Variants in MEIS2 observed in about 807,000 individuals in gnomAD.
MEIS2 encodes the protein homeobox protein Meis2.
Under a neutral mutation model 58.6 loss-of-function variants are expected in MEIS2, and 9 were observed. The observed-to-expected ratio is 0.15, with a 90% CI of 0.09 to 0.27. The LOEUF (loss-of-function observed/expected upper bound fraction) is 0.27. Ranked by LOEUF, MEIS2 falls within the 10% of genes least tolerant of loss-of-function variation. MEIS2 has a pLI of 1.00. For missense variants in MEIS2, 427 were observed against 635.0 expected, an observed-to-expected ratio of 0.67 and a Z score of 3.52; for synonymous variants, 221 against 228.4, an observed-to-expected ratio of 0.97 and a Z score of 0.29.
chr15:36,997,770 C>T (rs1180484273), intron 8 of MEIS2, among the ~76,000 whole-genome samples: 2 of 152,146 alleles, frequency 1.3e-5, no homozygotes, highest in Non-Finnish European at 2.9e-5. Context: ...CATGAGCCAC[C>T]GTGCCCGGCC....
intron 6 of MEIS2, among the ~76,000 whole-genome samples, chr15:37,087,224 G>GAGTGAA (rs1159689901): frequency 6.6e-6 from 1 of 152,156 alleles, no homozygotes; most frequent in Non-Finnish European, 1.5e-5. Flanking sequence ...CGAGGGCAAG[G>GAGTGAA]AGTGAACATG....
At chr15:37,016,409 T>G (rs1355595362) in intron 8 of MEIS2, among the ~76,000 whole-genome samples, 1 of 151,938 alleles carries the variant, frequency 6.6e-6, no homozygotes, top group Non-Finnish European at 1.5e-5. Context: ...TTGGTAAGCC[T>G]CCAGTTTGCG....
chr15:37,010,329 C>T lies in MEIS2; in HGVS notation c.900+26485G>A, dbSNP rs1390220828. ...GTCTGGATCTCCTGACCTCATGATC[C>T]GCCCATCTTGGCCTCCCAAAGTGCT... On this transcript the variant is annotated intron_variant, in intron 8 of 11. Coordinates refer to ENST00000561208, the MANE Select transcript of MEIS2 (RefSeq NM_170675.5). 3.0e-4 allele frequency among the ~76,000 whole-genome samples: 45 copies of T among 151,932 alleles called. 1 individual carries two copies. Among genetic ancestry groups the T allele is most frequent in the Admixed American group, 2.9e-3 (44 of 15,244 alleles).
intron 11 of MEIS2, chr15:36,894,597 C>A: frequency 1.4e-6 from 1 of 722,106 alleles, no homozygotes; most frequent in Non-Finnish European, 2.3e-6. Flanking sequence ...AAAAACAGGT[C>A]CTTAGTTTGG....
At chr15:36,898,407 TCTC>T (rs556963427) in intron 9 of MEIS2, 3 of 152,382 alleles carry the variant, frequency 2.0e-5, no homozygotes, top group South Asian at 4.1e-4. Context: ...AGAAGGCTCT[TCTC>T]CTTGAAGTTT....
At chr15:37,070,236 T>C (rs763441058) in intron 7 of MEIS2, among the ~76,000 whole-genome samples, 1 of 152,148 alleles carries the variant, frequency 6.6e-6, no homozygotes, top group Non-Finnish European at 1.5e-5. Flanking sequence ...TCCATGAGAC[T>C]TCTGAATATA....
chr15:37,030,372 T>G (rs1434573690), intron 8 of MEIS2, among the ~76,000 whole-genome samples: 1 of 151,350 alleles, frequency 6.6e-6, no homozygotes, highest in Non-Finnish European at 1.5e-5. Context: ...TTTTTTTTTC[T>G]TTTTTTTAGG....
intron 8 of MEIS2, among the ~76,000 whole-genome samples, chr15:37,029,088 G>A (rs893789308): frequency 2.6e-5 from 4 of 152,092 alleles, no homozygotes; most frequent in African/African-American, 4.8e-5. Context: ...CAGTTCAGAC[G>A]ATCTCTAGTA....
chr15:36,937,375 A>G (rs923685274), intron 9 of MEIS2, among the ~76,000 whole-genome samples: 4 of 152,186 alleles, frequency 2.6e-5, no homozygotes, highest in Non-Finnish European at 4.4e-5. Flanking sequence ...GAAACGCTAC[A>G]TGTAACTTTG....
At chr15:37,068,073 G>A (rs965008433) in intron 7 of MEIS2, among the ~76,000 whole-genome samples, 2 of 152,114 alleles carry the variant, frequency 1.3e-5, no homozygotes, top group Admixed American at 6.5e-5. Context: ...TATGAGACAG[G>A]CATGGTTAAC....
In MEIS2 at chr15:37,099,467, C is replaced by T. The variant is rs1894839490; in HGVS notation, c.-1G>A. 3.1e-6 allele frequency: 5 copies of T among 1,613,864 alleles called. No individual in the cohort carries two copies. Among genetic ancestry groups the T allele is most frequent in the Admixed American group, 1.7e-5 (1 of 59,998 alleles). ...GATTTAAACCTACCCTTTGCGCCAT[C>T]AGTCTGCGCTCCAATAAACTCCTGG... On this transcript the variant is annotated 5_prime_UTR_variant, in exon 1 of 12. Coordinates refer to ENST00000561208, the MANE Select transcript of MEIS2 (RefSeq NM_170675.5).
intron 7 of MEIS2, among the ~76,000 whole-genome samples, chr15:37,042,050 T>C (rs574012641): frequency 6.6e-6 from 1 of 151,946 alleles, no homozygotes; most frequent in Admixed American, 6.5e-5. Flanking sequence ...GCACCGCAGA[T>C]TGAGGTGGGA....
intron 8 of MEIS2, among the ~76,000 whole-genome samples, chr15:36,979,918 T>A (rs1265261831): frequency 4.0e-5 from 6 of 149,350 alleles, no homozygotes; most frequent in Non-Finnish European, 5.9e-5. Flanking sequence ...AAGGATTATA[T>A]AAAAACCCCA....
At position 36,912,969 on chromosome 15, in the gene MEIS2, T is replaced by G. The variant is rs537034443; in HGVS notation, c.978-16283A>C. 2.6e-5 allele frequency among the ~76,000 whole-genome samples: 4 copies of G among 152,336 alleles called. No homozygotes were observed. The East Asian group carries it at 7.7e-4, about 29-fold the overall frequency. ...GGTTTTTAATAGTGCTTGTTTCCACTGTCCGCACCTGCCTTTGGTTAATCA... is the reference window on the plus strand; with the variant it reads ...GGTTTTTAATAGTGCTTGTTTCCACGGTCCGCACCTGCCTTTGGTTAATCA... On this transcript the variant is annotated intron_variant, in intron 9 of 11. Transcript: ENST00000561208.
intron 9 of MEIS2, among the ~76,000 whole-genome samples, chr15:36,927,655 G>A (rs2057801026): frequency 6.6e-6 from 1 of 151,970 alleles, no homozygotes; most frequent in Admixed American, 6.6e-5. Context: ...GACAGTCGGA[G>A]GGATGAGAAA....
chr15:37,099,599 G>T lies in MEIS2; in HGVS notation c.-133C>A. 2 of 1,321,316 alleles carry T rather than the reference G, an allele frequency of 1.5e-6. No individual in the cohort carries two copies. Among genetic ancestry groups the T allele is most frequent in the Non-Finnish European group, 1.0e-6 (1 of 974,800 alleles). The allele number at this position is 1,321,316 out of a possible 1,614,324, so 81.8% of individuals were successfully genotyped here. ...GAGACTTCTCCCAATTCTCCAATAT[G>T]CTATTTTTTAGGGGGGAAAAAAAGC... On this transcript the variant is annotated 5_prime_UTR_variant, in exon 1 of 12. Coordinates refer to ENST00000561208, the MANE Select transcript of MEIS2 (RefSeq NM_170675.5).
chr15:36,900,091 T>C (rs1198959807), intron 9 of MEIS2, among the ~76,000 whole-genome samples: 3 of 152,214 alleles, frequency 2.0e-5, no homozygotes, highest in Non-Finnish European at 4.4e-5. Flanking sequence ...ACCAGAATGA[T>C]TTCGAAGTTG....
At chr15:36,899,122 G>A (rs2056339678) in intron 9 of MEIS2, among the ~76,000 whole-genome samples, 1 of 152,196 alleles carries the variant, frequency 6.6e-6, no homozygotes, top group Non-Finnish European at 1.5e-5. Context: ...CTCAAACAAT[G>A]TTTTTGATCC....
chr15:36,984,433 G>A (rs1047071092), intron 8 of MEIS2, among the ~76,000 whole-genome samples: 3 of 152,046 alleles, frequency 2.0e-5, no homozygotes, highest in Non-Finnish European at 4.4e-5. Flanking sequence ...TGCATGCCAA[G>A]GATAAATCCC....
Sources: gnomAD v4.1 joint callset for allele counts (sites outside exome capture counted in the v4.1 genomes callset) on GRCh38, gnomAD v4.1.1 for gene constraint, MANE v1.5 for transcripts, NCBI Gene and HGNC (gene_info 2026-07-23, HGNC 2026-07-21) for gene names.